The following PHF8 variants were observed in gnomAD, a reference collection of about 807,000 sequenced individuals.
PHF8 encodes the protein PHD finger protein 8.
In PHF8, 9 loss-of-function variants were observed where a neutral mutation model predicts 74.4. The ratio of observed to expected loss-of-function variants is 0.12; its 90% CI spans 0.07 to 0.21. PHF8 has a LOEUF of 0.21. PHF8 is among the 10% of genes least tolerant of loss of function. The probability of loss-of-function intolerance (pLI) is 1.00; values close to 1 mark genes in which losing one functional copy is unlikely to be tolerated. For missense variants in PHF8, 478 were observed against 816.6 expected, an observed-to-expected ratio of 0.59 and a Z score of 5.05; for synonymous variants, 311 against 316.6, an observed-to-expected ratio of 0.98 and a Z score of 0.19.
At chrX:54,013,493 T>C (rs1229741061) in intron 7 of PHF8, among the ~76,000 whole-genome samples, 1 of 111,468 alleles carries the variant, frequency 9.0e-6, no homozygotes, top group Non-Finnish European at 1.9e-5. Flanking sequence ...TTTCCATACA[T>C]GCTGATATGA....
At chrX:53,955,659 T>C (rs1449006660) in intron 19 of PHF8, among the ~76,000 whole-genome samples, 2 of 107,812 alleles carry the variant, frequency 1.9e-5, no homozygotes, top group African/African-American at 3.4e-5. Context: ...GGCACATTAG[T>C]CTTATTCCTG....
At position 53,992,745 on chromosome X, in the gene PHF8, G is replaced by C; in HGVS notation, c.1721C>G (p.Ser574Cys). The C allele has an allele frequency of 8.6e-7, 1 of 1,167,555 alleles. No individual in the cohort carries two copies. The highest frequency in any genetic ancestry group is 1.8e-5 in the African/African-American group (1 of 56,844). ...CTCCTTCCCACCTCACCTGCCGTTA[G>C]ACATCAATAGGGCCAATGGGCTCTC... is the stretch of plus-strand genomic sequence containing the variant. The part of the protein sequence containing the change: ...GNESPLALLM[S>C]NGSTKRVKSL... The change falls in exon 14 of 22, where the codon TCT (serine) becomes TGT (cysteine). Residue 574 changes from serine to cysteine, a missense_variant. Ser to Cys is a moderately radical substitution (Grantham distance 112). Coordinates refer to ENST00000338154, the MANE Select transcript of PHF8 (RefSeq NM_015107.3).
chrX:53,992,059 T>C (rs940268687), intron 14 of PHF8, among the ~76,000 whole-genome samples: 3 of 112,206 alleles, frequency 2.7e-5, no homozygotes, highest in East Asian at 2.8e-4. Flanking sequence ...CAAATGTCTA[T>C]ATACAGCTTT....
rs1455382139 is a variant in PHF8, at chrX:53,992,660, C to G, written c.1730+76G>C. 5 of 606,139 alleles carry G rather than the reference C, an allele frequency of 8.2e-6. No individual in the cohort carries two copies. In the East Asian group the frequency reaches 1.7e-4, roughly 21 times the overall value. The allele number at this position is 606,139 out of a possible 1,213,427, so 50.0% of individuals were successfully genotyped here. On this transcript the variant is annotated intron_variant, in intron 14 of 21. Coordinates refer to ENST00000338154, the MANE Select transcript of PHF8 (RefSeq NM_015107.3). ...TACCCATGTCCCAACCCCTAGATTC[C>G]AATTCCATGCCCTGTCTCAGTGGCA...
At chrX:54,043,248 T>G in intron 1 of PHF8, 1 of 349,224 alleles carries the variant, frequency 2.9e-6, no homozygotes, top group Non-Finnish European at 3.7e-6. Flanking sequence ...GACAAGACCC[T>G]CCTCTCACCA....
In PHF8 at chrX:53,939,153, AG is replaced by A; in HGVS notation, c.*4del. ...AAAGGGGTGAGGGGTGGGACACAGG[AG>A]GGCTCACAGAAGTAGTTTGCCATTT... On this transcript the variant is annotated 3_prime_UTR_variant, in exon 22 of 22. Transcript: ENST00000338154. The A allele has an allele frequency of 8.3e-7, 1 of 1,207,584 alleles. No homozygotes were observed. The highest frequency in any genetic ancestry group is 1.1e-6 in the Non-Finnish European group (1 of 892,154).
intron 2 of PHF8, among the ~76,000 whole-genome samples, chrX:54,024,907 C>T (rs1163711589): frequency 4.5e-5 from 5 of 110,837 alleles, no homozygotes; most frequent in Admixed American, 1.9e-4. Flanking sequence ...GACAGAGTCT[C>T]GCTCTGTCAC....
chrX:53,967,790 G>A (rs1557093471), intron 18 of PHF8, among the ~76,000 whole-genome samples: 1 of 113,489 alleles, frequency 8.8e-6, no homozygotes, highest in Admixed American at 9.2e-5. Flanking sequence ...TTCTGCCTTG[G>A]GATCCTGTTG....
At chrX:53,985,604 T>C in intron 17 of PHF8, 1 of 622,200 alleles carries the variant, frequency 1.6e-6, no homozygotes, top group East Asian at 3.6e-5. Flanking sequence ...TTGATTCCTC[T>C]TGAAGTCTAT....
chrX:53,975,998 T>C (rs1174445499), intron 18 of PHF8, among the ~76,000 whole-genome samples: 1 of 110,877 alleles, frequency 9.0e-6, no homozygotes, highest in Non-Finnish European at 1.9e-5. Flanking sequence ...GCTGTTAATA[T>C]ATCAACTTTA....
At chrX:54,027,557 T>C (rs181923481) in intron 2 of PHF8, among the ~76,000 whole-genome samples, 1 of 111,741 alleles carries the variant, frequency 8.9e-6, no homozygotes, top group Non-Finnish European at 1.9e-5. Flanking sequence ...TTCTTTAAAA[T>C]AGATCTCACT....
At chrX:53,963,538 G>GA (rs1165494953) in intron 18 of PHF8, among the ~76,000 whole-genome samples, 6 of 111,607 alleles carry the variant, frequency 5.4e-5, no homozygotes, top group Non-Finnish European at 7.5e-5. Context: ...CACCTGGGCT[G>GA]AAAAAAACAA....
At chrX:54,036,296 A>G (rs1331046971) in intron 2 of PHF8, among the ~76,000 whole-genome samples, 3 of 110,156 alleles carry the variant, frequency 2.7e-5, no homozygotes, top group Admixed American at 2.0e-4. Flanking sequence ...ACAAATCTCA[A>G]TAAATGTAAA....
chrX:53,956,980 C>T (rs782219677), intron 19 of PHF8, among the ~76,000 whole-genome samples: 20 of 110,325 alleles, frequency 1.8e-4, no homozygotes, highest in African/African-American at 4.3e-4. Flanking sequence ...TTTGGGAGGC[C>T]GAGGTGGATC....
At chrX:53,960,934 T>G (rs1266089337) in intron 19 of PHF8, among the ~76,000 whole-genome samples, 1 of 110,568 alleles carries the variant, frequency 9.0e-6, no homozygotes, top group Non-Finnish European at 1.9e-5. Context: ...TTTCTAAATT[T>G]TCTACTGTGC....
rs782564619 is a variant in PHF8, at chrX:53,939,279, T to TGGCAAGGGCTTC, written c.2987-45_2987-34dup. ...GGAAGGGAAAAGTAAGCAAGGGCTT[T>TGGCAAGGGCTTC]GGCAAGGGCTTCAACATCAAATCTG... On this transcript the variant is annotated intron_variant, in intron 21 of 21. Coordinates refer to ENST00000338154, the MANE Select transcript of PHF8 (RefSeq NM_015107.3). 9.8e-6 allele frequency: 11 copies of TGGCAAGGGCTTC among 1,124,923 alleles called. No homozygotes were observed. In the South Asian group the frequency reaches 2.1e-4, roughly 21 times the overall value. 92.7% of individuals were successfully genotyped at this position (1,124,923 alleles called of 1,213,427 possible).
Position 53,944,249 on chromosome X carries a change from A to G in PHF8, c.2540-6T>C, listed in dbSNP as rs201678621. On this transcript the variant is annotated splice_polypyrimidine_tract_variant and splice_region_variant and intron_variant, in intron 19 of 21. Transcript: ENST00000338154. Reference sequence around the variant, plus strand: ...CAGAGTTGGGGTCACGCGGGCTGCAAGGGAAACAGGATGAGAAGGTGTCAC... The same window carrying G: ...CAGAGTTGGGGTCACGCGGGCTGCAGGGGAAACAGGATGAGAAGGTGTCAC... 8.5e-7 allele frequency: 1 copy of G among 1,171,918 alleles called. No individual in the cohort carries two copies. Among genetic ancestry groups the G allele is most frequent in the African/African-American group, 1.8e-5 (1 of 56,642 alleles).
intron 8 of PHF8, among the ~76,000 whole-genome samples, chrX:54,003,753 G>A (rs2149854658): frequency 8.9e-6 from 1 of 112,279 alleles, no homozygotes; most frequent in South Asian, 3.7e-4. Context: ...TCTGTGGTAA[G>A]TTCAGTCGGC....
intron 4 of PHF8, among the ~76,000 whole-genome samples, chrX:54,021,965 A>G (rs1430672419): frequency 8.9e-6 from 1 of 111,824 alleles, no homozygotes; most frequent in Non-Finnish European, 1.9e-5. Flanking sequence ...TAATTTTTTT[A>G]TATTAAAAGA....
Sources: allele counts gnomAD v4.1 joint callset (sites outside exome capture counted in the v4.1 genomes callset), GRCh38; gene constraint gnomAD v4.1.1; transcripts MANE v1.5; gene names NCBI Gene and HGNC (gene_info 2026-07-23, HGNC 2026-07-21).